The following EML1 variants were observed in gnomAD, a reference collection of about 807,000 sequenced individuals.
The protein encoded by EML1 is EMAP like 1.
Under a neutral mutation model 110.4 loss-of-function variants are expected in EML1, and 27 were observed. The observed-to-expected ratio is 0.24, with a 90% confidence interval of 0.18 to 0.34. EML1 has a LOEUF of 0.34. EML1 is among the 10% of genes least tolerant of loss of function. The pLI, the probability that EML1 is intolerant of heterozygous loss-of-function variation, is 1.00. For missense variants in EML1, 741 were observed against 1,030.9 expected (o/e 0.72, Z 3.85); for synonymous variants, 344 against 385.8 (o/e 0.89, Z 1.27).
chr14:99,759,018 G>A (rs945192024), intron 1 of EML1, among the ~76,000 whole-genome samples: 9 of 152,216 alleles, frequency 5.9e-5, no homozygotes, highest in South Asian at 2.1e-4. Context: ...GTGCAAAGCC[G>A]TCTGACCTTA....
intron 4 of EML1, among the ~76,000 whole-genome samples, chr14:99,890,671 G>A (rs2059571042): frequency 6.6e-6 from 1 of 152,188 alleles, no homozygotes; most frequent in Admixed American, 6.5e-5. Context: ...CCTCTCCCAA[G>A]AGATGGCTGA....
chr14:99,828,794 A>C (rs115964832), intron 1 of EML1, among the ~76,000 whole-genome samples: 4,798 of 152,316 alleles, frequency 0.032, 96 homozygotes, highest in Non-Finnish European at 0.041. Flanking sequence ...TTCTTCAAAT[A>C]AGCTGGAGAA....
intron 1 of EML1, among the ~76,000 whole-genome samples, chr14:99,738,733 G>A (rs1044250405): frequency 8.5e-5 from 13 of 152,234 alleles, no homozygotes; most frequent in Non-Finnish European, 1.5e-5. Context: ...AAGCGCCTGT[G>A]GGTGCCTGGG....
intron 3 of EML1, among the ~76,000 whole-genome samples, chr14:99,875,337 T>C (rs1427811584): frequency 6.6e-6 from 1 of 152,240 alleles, no homozygotes; most frequent in East Asian, 1.9e-4. Context: ...ATGATATTGC[T>C]GCAGGGGATT....
At chr14:99,753,472 C>T (rs2057206449) in intron 1 of EML1, among the ~76,000 whole-genome samples, 1 of 151,962 alleles carries the variant, frequency 6.6e-6, no homozygotes, top group African/African-American at 2.4e-5. Flanking sequence ...CTCAGTGTTT[C>T]TCACCTGGTG....
chr14:99,779,820 A>G (rs1016304649), intron 1 of EML1, among the ~76,000 whole-genome samples: 1 of 152,222 alleles, frequency 6.6e-6, no homozygotes, highest in Admixed American at 6.5e-5. Flanking sequence ...GCCTTTGTGT[A>G]GAGAACCCCT....
At chr14:99,756,307 A>G (rs1477734386) in intron 1 of EML1, among the ~76,000 whole-genome samples, 1 of 152,218 alleles carries the variant, frequency 6.6e-6, no homozygotes, top group Non-Finnish European at 1.5e-5. Flanking sequence ...CATGACCCAT[A>G]CTGGTCATCG....
chr14:99,863,954 A>G (rs2059047775), intron 2 of EML1, among the ~76,000 whole-genome samples: 1 of 152,268 alleles, frequency 6.6e-6, no homozygotes. Context: ...CCCACCAGCA[A>G]GGAATGAGAG....
intron 1 of EML1, among the ~76,000 whole-genome samples, chr14:99,796,186 C>CAGAG (rs57818494): frequency 0.074 from 8,747 of 118,984 alleles, 428 homozygotes; most frequent in Non-Finnish European, 0.099. Flanking sequence ...GACCCTGTCT[C>CAGAG]AGAGAGAGAG....
intron 6 of EML1, 38 bp downstream of exon 6, chr14:99,894,796 ATCAG>A: frequency 6.3e-7 from 1 of 1,581,114 alleles, no homozygotes; most frequent in Non-Finnish European, 8.6e-7. Flanking sequence ...ACATGAAGTT[ATCAG>A]TCAATCAATG....
At chr14:99,868,659 C>T (rs1255683275) in intron 3 of EML1, among the ~76,000 whole-genome samples, 1 of 151,820 alleles carries the variant, frequency 6.6e-6, no homozygotes, top group South Asian at 2.1e-4. Flanking sequence ...GTTGTAATGT[C>T]CTTTCATTTC....
In EML1 at chr14:99,936,171, AGTTTAACTACC is replaced by A; in HGVS notation, c.2007+48_2007+58del. ...CTGTCGCTTCTCATGCACTGCGTAT[AGTTTAACTACC>A]GTGGAACAGTGTTGGCAGGGACTTC... On this transcript the variant is annotated intron_variant, in intron 18 of 21. Transcript: ENST00000262233. The surrounding 1 kb of genome is among the most constrained non-coding windows in gnomAD (Gnocchi z 5.5). The A allele has an allele frequency of 6.2e-7, 1 of 1,612,818 alleles. No homozygotes were observed. Among genetic ancestry groups the A allele is most frequent in the Non-Finnish European group, 8.5e-7 (1 of 1,178,816 alleles).
At chr14:99,785,789 A>G (rs543858489) in intron 1 of EML1, among the ~76,000 whole-genome samples, 1 of 152,290 alleles carries the variant, frequency 6.6e-6, no homozygotes, top group South Asian at 2.1e-4. Context: ...AATCCTGTGG[A>G]CAATGAAGAA....
At position 99,941,799 on chromosome 14, in the gene EML1, G is replaced by A. The variant is rs1054892771; in HGVS notation, c.*1687G>A. 6.6e-6 allele frequency: 1 copy of A among 152,096 alleles called. No individual in the cohort carries two copies. The highest frequency in any genetic ancestry group is 1.5e-5 in the Non-Finnish European group (1 of 68,018). 9.4% of individuals were successfully genotyped at this position (152,096 alleles called of 1,614,324 possible). A position where few individuals can be genotyped will look rare whatever the true frequency, so the allele number is the denominator to read the frequency against. ...TTTGTGAATACTGGCAAAAGCAATT[G>A]TTTTTAAATTAACAATGGAGAGAAT... On this transcript the variant is annotated 3_prime_UTR_variant, in exon 22 of 22. Transcript: ENST00000262233.
intron 1 of EML1, among the ~76,000 whole-genome samples, chr14:99,839,495 C>T (rs1477996476): frequency 6.6e-6 from 1 of 152,180 alleles, no homozygotes; most frequent in Non-Finnish European, 1.5e-5. Flanking sequence ...TTCCTTTAAA[C>T]TCCATGTCAT....
intron 1 of EML1, among the ~76,000 whole-genome samples, chr14:99,826,260 G>A (rs1252914134): frequency 6.6e-6 from 1 of 151,838 alleles, no homozygotes; most frequent in Non-Finnish European, 1.5e-5. Flanking sequence ...TTACAGGCAT[G>A]TGCCACCACG....
rs575400542 is a variant in EML1, at chr14:99,802,914, G to A, written c.67+9371G>A. On this transcript the variant is annotated intron_variant, in intron 1 of 21. Transcript: ENST00000262233. Reference sequence around the variant, plus strand: ...ATGGCCTCCTGTTTAAAAGCTGACAGCAGCCCTCCCTCCCACTTTAGCACC... The same window carrying A: ...ATGGCCTCCTGTTTAAAAGCTGACAACAGCCCTCCCTCCCACTTTAGCACC... Among the ~76,000 whole-genome samples the A allele has an allele frequency of 7.6e-4, 116 of 152,208 alleles. 1 individual carries two copies. Among genetic ancestry groups the A allele is most frequent in the Non-Finnish European group, 1.5e-3 (99 of 68,006 alleles).
chr14:99,883,605 G>A (rs776679758), intron 4 of EML1: 10 of 151,728 alleles, frequency 6.6e-5, no homozygotes, highest in East Asian at 1.9e-4. Context: ...ACCACTCAGC[G>A]AACTCACAGC....
At chr14:99,782,160 AC>A (rs1229312149) in intron 1 of EML1, among the ~76,000 whole-genome samples, 3 of 145,992 alleles carry the variant, frequency 2.1e-5, no homozygotes, top group African/African-American at 7.6e-5. Context: ...CAACCCCTCC[AC>A]CCCCACCACC....
Sources: allele counts gnomAD v4.1 joint callset (sites outside exome capture counted in the v4.1 genomes callset), GRCh38; gene constraint gnomAD v4.1.1; non-coding constraint Gnocchi (gnomAD v3.1); transcripts MANE v1.5; gene names NCBI Gene and HGNC (gene_info 2026-07-23, HGNC 2026-07-21).